Variants in ZNF90 observed in about 807,000 individuals in gnomAD.
ZNF90 encodes the protein zinc finger protein 90, also known as zinc finger protein HTF9.
ZNF90 carries 11 observed loss-of-function variants against 12.0 expected under a neutral mutation model. The observed-to-expected ratio is 0.92, with a 90% CI of 0.58 to 1.52. The LOEUF (loss-of-function observed/expected upper bound fraction) is 1.52. Ranked by LOEUF, ZNF90 falls within the 40% of genes most tolerant of loss-of-function variation. The probability of loss-of-function intolerance (pLI) is 0.00; values close to 1 mark genes in which losing one functional copy is unlikely to be tolerated. For synonymous variants in ZNF90, 232 were observed against 240.1 expected, an observed-to-expected ratio of 0.97 and a Z score of 0.31; for missense variants, 765 against 711.5, an observed-to-expected ratio of 1.08 and a Z score of -0.86.
intron 1 of ZNF90, among the ~76,000 whole-genome samples, chr19:20,085,879 CA>C (rs1279357037): frequency 6.6e-6 from 1 of 151,884 alleles, no homozygotes; most frequent in African/African-American, 2.4e-5. Context: ...TTTTTGCTTC[CA>C]AAATGTTTAT....
chr19:20,100,000 GA>G (rs2088977011), intron 1 of ZNF90, among the ~76,000 whole-genome samples: 3 of 152,216 alleles, frequency 2.0e-5, no homozygotes, highest in Admixed American at 2.0e-4. Context: ...AAAGGAAATA[GA>G]AGTGAACCGC....
At chr19:20,080,988 A>G (rs1043065767) in intron 1 of ZNF90, among the ~76,000 whole-genome samples, 2 of 152,162 alleles carry the variant, frequency 1.3e-5, no homozygotes, top group Non-Finnish European at 1.5e-5. Flanking sequence ...CACACTGCCC[A>G]TTGTCCTGTG....
At chr19:20,081,387 C>T (rs1449919710) in intron 1 of ZNF90, among the ~76,000 whole-genome samples, 4 of 152,148 alleles carry the variant, frequency 2.6e-5, no homozygotes, top group African/African-American at 7.2e-5. Flanking sequence ...CTTGGTTTCA[C>T]CATGTTGGCC....
intron 1 of ZNF90, among the ~76,000 whole-genome samples, chr19:20,089,010 A>G (rs1000932215): frequency 1.3e-5 from 2 of 152,208 alleles, no homozygotes; most frequent in Admixed American, 1.3e-4. Flanking sequence ...GCAGGTAGAC[A>G]CATGTAGGTA....
intron 3 of ZNF90, among the ~76,000 whole-genome samples, chr19:20,110,325 C>T (rs530709893): frequency 6.6e-5 from 10 of 152,210 alleles, no homozygotes; most frequent in East Asian, 5.8e-4. Context: ...GTTGCCCAGG[C>T]TGGAGTGCAG....
At position 20,117,839 on chromosome 19, in the gene ZNF90, C is replaced by T; in HGVS notation, c.285C>T (p.Phe95=). 6.3e-7 allele frequency: 1 copy of T among 1,598,606 alleles called. No individual in the cohort carries two copies. The highest frequency in any genetic ancestry group is 1.1e-5 in the South Asian group (1 of 88,410). The stretch of plus-strand genomic sequence containing the variant: ...CAGAGCAGAGCCTAAAAGATTCCTT[C>T]CAAAAAGTGATAGTGACAAGATATG... The part of the protein sequence containing the change: ...LCPEQSLKDS[F]QKVIVTRYEK... Residue 95 remains phenylalanine (F), a synonymous_variant, in exon 4 of 4, where the codon TTC becomes TTT. Coordinates refer to ENST00000418063, the MANE Select transcript of ZNF90 (RefSeq NM_007138.2).
At chr19:20,114,716 G>T (rs116027878) in intron 3 of ZNF90, among the ~76,000 whole-genome samples, 2,681 of 152,258 alleles carry the variant, frequency 0.018, 82 homozygotes, top group African/African-American at 0.06. Flanking sequence ...AAAGAAGAAA[G>T]TTGTATGAGC....
chr19:20,091,240 A>G (rs1030633507), intron 1 of ZNF90, among the ~76,000 whole-genome samples: 53 of 152,104 alleles, frequency 3.5e-4, no homozygotes, highest in Non-Finnish European at 7.6e-4. Context: ...CTTGATGTGT[A>G]GGGAAGGGAG....
chr19:20,094,046 C>T (rs897559914), intron 1 of ZNF90, among the ~76,000 whole-genome samples: 15 of 152,332 alleles, frequency 9.8e-5, no homozygotes, highest in African/African-American at 3.1e-4. Flanking sequence ...GGGCTGCGGG[C>T]ATTCCTTGGC....
At chr19:20,095,459 G>A (rs1370912400) in intron 1 of ZNF90, among the ~76,000 whole-genome samples, 1 of 151,994 alleles carries the variant, frequency 6.6e-6, no homozygotes, top group African/African-American at 2.4e-5. Flanking sequence ...GGAATGGAGG[G>A]TGGAAGGTTG....
In ZNF90 at chr19:20,119,266, G is replaced by A; in HGVS notation, c.1712G>A (p.Gly571Asp). 6.2e-7 allele frequency: 1 copy of A among 1,613,776 alleles called. No homozygotes were observed. Among genetic ancestry groups the A allele is most frequent in the Non-Finnish European group, 8.5e-7 (1 of 1,179,874 alleles). ...GEKPYKCEEC[G>D]KAFNLSSDLN... ...AAACCCTACAAATGTGAAGAATGTG[G>A]CAAAGCTTTTAACTTGTCCTCAGAC... Residue 571 changes from glycine to aspartate, a missense_variant, in exon 4 of 4, where the codon GGC becomes GAC. Transcript: ENST00000418063.
At chr19:20,101,327 T>C (rs1159079326) in intron 1 of ZNF90, among the ~76,000 whole-genome samples, 1 of 152,182 alleles carries the variant, frequency 6.6e-6, no homozygotes, top group Non-Finnish European at 1.5e-5. Flanking sequence ...TGGCCCAAGG[T>C]TCCATTCCTT....
Position 20,118,253 on chromosome 19 carries a change from T to C in ZNF90, c.699T>C (p.Asp233=), listed in dbSNP as rs1354034291. 2.6e-6 allele frequency: 4 copies of C among 1,550,042 alleles called. No homozygotes were observed. The highest frequency in any genetic ancestry group is 3.5e-6 in the Non-Finnish European group (4 of 1,147,902). Residue 233 remains aspartate (D), a synonymous_variant, in exon 4 of 4, where the codon GAT becomes GAC. Transcript: ENST00000418063. ...HTGEKRYKCE[D]CGKELKYSST... ...GAGAGAAACGGTACAAATGTGAAGA[T>C]TGTGGCAAAGAATTAAAGTATTCCT...
In ZNF90 at chr19:20,102,573, G is replaced by A. The variant is rs577772479; in HGVS notation, c.4-1666G>A. Among the ~76,000 whole-genome samples, 3 of 152,254 alleles carry A rather than the reference G, an allele frequency of 2.0e-5. No individual in the cohort carries two copies. In the East Asian group the frequency reaches 5.8e-4, roughly 29 times the overall value. On this transcript the variant is annotated intron_variant, in intron 1 of 3. Coordinates refer to ENST00000418063, the MANE Select transcript of ZNF90 (RefSeq NM_007138.2). ...CCTTCTATAGAAGTATATTTGCCTT[G>A]CTGAGATGTTCTCTTTTTGAGTGCT...
At position 20,117,915 on chromosome 19, in the gene ZNF90, G is replaced by A. The variant is rs782481706; in HGVS notation, c.361G>A (p.Asp121Asn). The change falls in exon 4 of 4, where the codon GAT (aspartate) becomes AAT (asparagine). Residue 121 changes from aspartate to asparagine, a missense_variant. Transcript: ENST00000418063. ...LELKKGCESV[D>N]EGKVHKRGYN... Reference sequence around the variant, plus strand: ...GTTAAAAAAAGGTTGTGAAAGTGTGGATGAGGGTAAAGTACACAAAAGAGG... The same window carrying A: ...GTTAAAAAAAGGTTGTGAAAGTGTGAATGAGGGTAAAGTACACAAAAGAGG... 21 of 1,612,972 alleles carry A rather than the reference G, an allele frequency of 1.3e-5. No individual in the cohort carries two copies. The highest frequency in any genetic ancestry group is 1.6e-5 in the Non-Finnish European group (19 of 1,179,676).
chr19:20,095,007 T>C lies in ZNF90; in HGVS notation c.4-9232T>C, dbSNP rs187079952. On this transcript the variant is annotated intron_variant, in intron 1 of 3. Transcript: ENST00000418063. ...ATAGAAGGATTATAGGGTGGAGGAG[T>C]GGAGGCTGAGGAAGAATTGGGACTT... Among the ~76,000 whole-genome samples, 74 of 150,920 alleles carry C rather than the reference T, an allele frequency of 4.9e-4. No homozygotes were observed. In the East Asian group the frequency reaches 9.8e-3, roughly 20 times the overall value.
chr19:20,085,481 C>T (rs1026049959), intron 1 of ZNF90, among the ~76,000 whole-genome samples: 1 of 151,708 alleles, frequency 6.6e-6, no homozygotes, highest in African/African-American at 2.4e-5. Context: ...AGGATGGTCT[C>T]GATCTCCTGA....
At chr19:20,105,082 A>G (rs994657870) in intron 2 of ZNF90, 139 bp from the exon 3 acceptor site, 3 of 447,472 alleles carry the variant, frequency 6.7e-6, no homozygotes, top group South Asian at 3.9e-5. Context: ...AGTATTTTCT[A>G]AATCTTTTGA....
At chr19:20,104,393 T>A (rs782548951) in intron 2 of ZNF90, 28 bp downstream of exon 2, 1 of 1,595,528 alleles carries the variant, frequency 6.3e-7, no homozygotes, top group Non-Finnish European at 8.5e-7. Flanking sequence ...ACATAATTCA[T>A]AATATACCCT....
Sources: allele counts gnomAD v4.1 joint callset (sites outside exome capture counted in the v4.1 genomes callset), GRCh38; gene constraint gnomAD v4.1.1; transcripts MANE v1.5; gene names NCBI Gene and HGNC (gene_info 2026-07-23, HGNC 2026-07-21).